TRPM3: variants seen among roughly 807,000 people sequenced by gnomAD.
TRPM3 encodes the protein long transient receptor potential channel 3.
TRPM3 carries 77 observed loss-of-function variants against 181.2 expected under a neutral mutation model. The ratio of observed to expected loss-of-function variants is 0.42; its 90% confidence interval spans 0.35 to 0.51. The LOEUF (loss-of-function observed/expected upper bound fraction) is 0.51, where lower values mean the gene tolerates loss of function less well. Among genes scored for constraint, TRPM3 ranks in the 20% least tolerant of loss-of-function variants. TRPM3 has a pLI of 0.01. For missense variants in TRPM3, 1,759 were observed against 2,196.7 expected (o/e 0.80, Z 3.98); for synonymous variants, 745 against 796.4 (o/e 0.94, Z 1.09).
intron 25 of TRPM3, among the ~76,000 whole-genome samples, chr9:70,538,780 T>A (rs1564210831): frequency 6.6e-6 from 1 of 152,198 alleles, no homozygotes; most frequent in Non-Finnish European, 1.5e-5. Context: ...GCCAACCTAA[T>A]ACCTGCCAGG....
intron 1 of TRPM3, among the ~76,000 whole-genome samples, chr9:71,266,233 C>A (rs2083384111): frequency 6.6e-6 from 1 of 152,068 alleles, no homozygotes; most frequent in South Asian, 2.1e-4. Flanking sequence ...CCAGCCCTCA[C>A]AATTATATGA....
chr9:70,627,967 G>A (rs1481794498), intron 12 of TRPM3, among the ~76,000 whole-genome samples: 1 of 152,152 alleles, frequency 6.6e-6, no homozygotes, highest in East Asian at 1.9e-4. Flanking sequence ...GCAAAGCATG[G>A]CAAAAAATAT....
chr9:71,305,391 T>C (rs1181165057), intron 1 of TRPM3, among the ~76,000 whole-genome samples: 2 of 152,144 alleles, frequency 1.3e-5, no homozygotes, highest in Non-Finnish European at 2.9e-5. Flanking sequence ...GCATTCATCA[T>C]ACTAGGGGAG....
chr9:71,102,512 C>T (rs1450796454), intron 1 of TRPM3, among the ~76,000 whole-genome samples: 6 of 152,154 alleles, frequency 3.9e-5, no homozygotes, highest in Admixed American at 2.0e-4. Context: ...ACTCAGGTAC[C>T]CTGATCAACT....
At chr9:71,162,454 C>T (rs1409060771) in intron 1 of TRPM3, among the ~76,000 whole-genome samples, 1 of 151,934 alleles carries the variant, frequency 6.6e-6, no homozygotes, top group African/African-American at 2.4e-5. Flanking sequence ...CTGTATCATG[C>T]ATTTTATTGT....
intron 1 of TRPM3, among the ~76,000 whole-genome samples, chr9:71,070,257 T>C (rs943864383): frequency 3.9e-5 from 6 of 152,234 alleles, no homozygotes; most frequent in African/African-American, 9.6e-5. Context: ...AACTTTTTCA[T>C]GCGGCAGGGT....
At chr9:70,959,096 A>G (rs956298624) in intron 1 of TRPM3, among the ~76,000 whole-genome samples, 1 of 151,836 alleles carries the variant, frequency 6.6e-6, no homozygotes, top group African/African-American at 2.4e-5. Flanking sequence ...TGGCACATGT[A>G]TACATATGTA....
chr9:71,402,108 T>C (rs148817576), intron 1 of TRPM3, among the ~76,000 whole-genome samples: 13 of 152,330 alleles, frequency 8.5e-5, no homozygotes, highest in Admixed American at 5.9e-4. Flanking sequence ...CGTCAATTAC[T>C]CATCGCAAAT....
At chr9:71,288,501 C>T (rs1532802) in intron 1 of TRPM3, among the ~76,000 whole-genome samples, 32,560 of 151,990 alleles carry the variant, frequency 0.21, 3,807 homozygotes, top group African/African-American at 0.27. Flanking sequence ...CTTCTAGTAG[C>T]ATAGCAGACT....
intron 8 of TRPM3, among the ~76,000 whole-genome samples, chr9:70,686,310 A>G (rs1054383428): frequency 6.6e-6 from 1 of 152,222 alleles, no homozygotes; most frequent in African/African-American, 2.4e-5. Context: ...GCTAATGAAC[A>G]TTTGGATCAA....
At chr9:71,192,388 AT>A (rs944687417) in intron 1 of TRPM3, among the ~76,000 whole-genome samples, 2 of 151,850 alleles carry the variant, frequency 1.3e-5, no homozygotes, top group African/African-American at 4.8e-5. Flanking sequence ...TAGTAAAAAA[AT>A]TTTTAAGAGA....
chr9:70,612,698 A>C (rs1305391722), intron 18 of TRPM3, among the ~76,000 whole-genome samples: 2 of 152,204 alleles, frequency 1.3e-5, no homozygotes, highest in African/African-American at 4.8e-5. Context: ...GAGTGGAGTA[A>C]ATCTTTCTGA....
intron 6 of TRPM3, among the ~76,000 whole-genome samples, chr9:70,788,445 T>G (rs2084480033): frequency 6.6e-6 from 1 of 151,992 alleles, no homozygotes; most frequent in Non-Finnish European, 1.5e-5. Context: ...CCAGGAGGAT[T>G]ATATCACATT....
At chr9:70,640,922 C>T (rs2057968400) in intron 9 of TRPM3, among the ~76,000 whole-genome samples, 1 of 151,928 alleles carries the variant, frequency 6.6e-6, no homozygotes, top group South Asian at 2.1e-4. Context: ...AAACTCCATG[C>T]TTTTTTGATA....
chr9:71,192,389 T>A (rs1029672975), intron 1 of TRPM3, among the ~76,000 whole-genome samples: 10 of 151,790 alleles, frequency 6.6e-5, no homozygotes, highest in South Asian at 2.1e-4. Context: ...AGTAAAAAAA[T>A]TTTTAAGAGA....
rs188227781 is a variant in TRPM3 at position 71,303,522 on chromosome 9, T to C, written c.183+143131A>G. Among the ~76,000 whole-genome samples the C allele has an allele frequency of 3.4e-3, 520 of 152,326 alleles. 2 individuals carry two copies. The highest frequency in any genetic ancestry group is 6.8e-3 in the Middle Eastern group (2 of 294). On this transcript the variant is annotated intron_variant, in intron 1 of 24. Coordinates refer to the TRPM3 transcript ENST00000357533. ...GAGTGACTAAGGTAAAATACATGCG[T>C]GAGCAATCCCCATACCACTAGCTAT...
intron 1 of TRPM3, among the ~76,000 whole-genome samples, chr9:70,906,590 G>A (rs1407775902): frequency 1.3e-5 from 2 of 151,490 alleles, no homozygotes; most frequent in Non-Finnish European, 3.0e-5. Context: ...GTTAGTTAAA[G>A]TGAATAAAAA....
chr9:71,068,060 C>T (rs1204312483), intron 1 of TRPM3, among the ~76,000 whole-genome samples: 1 of 152,128 alleles, frequency 6.6e-6, no homozygotes, highest in Admixed American at 6.5e-5. Flanking sequence ...CTTACATGCT[C>T]TCTGATGGTT....
At chr9:71,434,242 G>A (rs1279230606) in intron 1 of TRPM3, among the ~76,000 whole-genome samples, 1 of 152,126 alleles carries the variant, frequency 6.6e-6, no homozygotes. Flanking sequence ...TTTAAACTTA[G>A]TTCCCAAGGT....
Sources: gnomAD v4.1 joint callset for allele counts (sites outside exome capture counted in the v4.1 genomes callset) on GRCh38, gnomAD v4.1.1 for gene constraint, MANE v1.5 for transcripts, NCBI Gene and HGNC (gene_info 2026-07-23, HGNC 2026-07-21) for gene names.